The following KDM3A variants were observed in gnomAD, a reference collection of about 807,000 sequenced individuals.
KDM3A encodes the protein lysine demethylase 3A.
Under a neutral mutation model 158.0 loss-of-function variants are expected in KDM3A, and 60 were observed. The observed-to-expected ratio is 0.38, with a 90% CI of 0.31 to 0.47. The LOEUF is 0.47. KDM3A is among the 20% of genes least tolerant of loss of function. KDM3A has a pLI of 0.99. For missense variants in KDM3A, 1,319 were observed against 1,574.3 expected (o/e 0.84, Z 2.74); for synonymous variants, 608 against 549.3 (o/e 1.11, Z -1.49).
chr2:86,470,301 C>A lies in KDM3A; in HGVS notation c.1617C>A (p.Ile539=). ...TACAGGATGATTCTTGTGTGAACATCGTGGCACAGTTGCCTAAATGCCGAG... is the reference window on the plus strand; with the variant it reads ...TACAGGATGATTCTTGTGTGAACATAGTGGCACAGTTGCCTAAATGCCGAG... ...AFVQDDSCVN[I]VAQLPKCREC... is the part of the protein sequence containing the mutation. Residue 539 remains isoleucine (I), a synonymous_variant, in exon 11 of 26, where the codon ATC becomes ATA. Transcript: ENST00000312912. The A allele has an allele frequency of 6.2e-7, 1 of 1,614,116 alleles. No homozygotes were observed. The highest frequency in any genetic ancestry group is 8.5e-7 in the Non-Finnish European group (1 of 1,179,986).
At chr2:86,474,558 G>A (rs1673564491) in intron 11 of KDM3A, among the ~76,000 whole-genome samples, 1 of 151,852 alleles carries the variant, frequency 6.6e-6, no homozygotes, top group Non-Finnish European at 1.5e-5. Flanking sequence ...AGCTACGGGG[G>A]AAGCTGAGGC....
upstream of KDM3A, among the ~76,000 whole-genome samples, chr2:86,438,091 T>C (rs1414239493): frequency 6.6e-6 from 1 of 152,162 alleles, no homozygotes; most frequent in Admixed American, 6.5e-5. Context: ...CACAATTAAG[T>C]ACAATGTTTA....
intron 9 of KDM3A, among the ~76,000 whole-genome samples, chr2:86,465,938 C>CAA (rs10541366): frequency 2.9e-4 from 34 of 117,862 alleles, no homozygotes; most frequent in South Asian, 5.7e-4. Context: ...AATTTACACA[C>CAA]AAAAAAAAAA....
At chr2:86,473,843 A>G (rs111661100) in intron 11 of KDM3A, among the ~76,000 whole-genome samples, 8 of 152,376 alleles carry the variant, frequency 5.3e-5, no homozygotes, top group African/African-American at 1.9e-4. Context: ...TTGAAGGCAG[A>G]TAATGAACAA....
upstream of KDM3A, chr2:86,440,906 C>T (rs1037591037): frequency 1.3e-5 from 2 of 152,376 alleles, no homozygotes; most frequent in Admixed American, 6.5e-5. Flanking sequence ...TGAGATTCTT[C>T]CGCCAAGTGG....
Position 86,442,142 on chromosome 2 carries a change from G to A in KDM3A, c.95G>A (p.Ser32Asn). The change falls in exon 2 of 26, where the codon AGC (serine) becomes AAC (asparagine). Residue 32 changes from serine to asparagine, a missense_variant. Coordinates refer to ENST00000312912, the MANE Select transcript of KDM3A (RefSeq NM_018433.6). ...GACGGCAGCGATGGCAGCCACGACA[G>A]CTGGGACGTGGAGCGCGTCGCCGAG... ...AADGSDGSHDSWDVERVAEWP... is the reference protein window; with the variant it reads ...AADGSDGSHDNWDVERVAEWP... 3.7e-6 allele frequency: 6 copies of A among 1,614,164 alleles called. No individual in the cohort carries two copies. The South Asian group carries it at 4.4e-5, about 12-fold the overall frequency.
At chr2:86,455,522 ATC>A (rs1672652834) in intron 5 of KDM3A, among the ~76,000 whole-genome samples, 1 of 152,144 alleles carries the variant, frequency 6.6e-6, no homozygotes, top group Admixed American at 6.5e-5. Context: ...AGTGTGAGCC[ATC>A]ACGCCGGGCC....
At chr2:86,448,216 C>T (rs1683032529) in intron 2 of KDM3A, among the ~76,000 whole-genome samples, 1 of 152,134 alleles carries the variant, frequency 6.6e-6, no homozygotes, top group Non-Finnish European at 1.5e-5. Context: ...GTTAGGGATG[C>T]ATGTTTTGTT....
intron 21 of KDM3A, among the ~76,000 whole-genome samples, chr2:86,486,687 C>G (rs1320913587): frequency 6.6e-6 from 1 of 152,140 alleles, no homozygotes; most frequent in Non-Finnish European, 1.5e-5. Flanking sequence ...TCAAAAAGGA[C>G]AAGGTCTGTT....
Position 86,466,543 on chromosome 2 carries a change from T to A in KDM3A, c.1179T>A (p.Pro393=), listed in dbSNP as rs769852046. The A allele has an allele frequency of 1.2e-6, 2 of 1,613,970 alleles. No homozygotes were observed. Among genetic ancestry groups the A allele is most frequent in the South Asian group, 2.2e-5 (2 of 91,084 alleles). Residue 393 remains proline (P), a synonymous_variant, in exon 10 of 26, where the codon CCT becomes CCA. Coordinates refer to ENST00000312912, the MANE Select transcript of KDM3A (RefSeq NM_018433.6). The part of the protein sequence containing the change: ...LTEPKGSCTQ[P]KTNTDQENRL... Reference sequence around the variant, plus strand: ...AGCCAAAAGGCAGCTGTACTCAGCCTAAGACAAACACTGATCAGGAAAACA... The same window carrying A: ...AGCCAAAAGGCAGCTGTACTCAGCCAAAGACAAACACTGATCAGGAAAACA...
chr2:86,483,764 C>T (rs934795757), intron 18 of KDM3A: 2 of 398,066 alleles, frequency 5.0e-6, no homozygotes, highest in African/African-American at 4.1e-5. Flanking sequence ...CTCCTAGATG[C>T]TTACCCATGT....
chr2:86,485,979 A>G (rs1372160415), intron 21 of KDM3A, 120 bp downstream of exon 21: 1 of 1,003,032 alleles, frequency 1.0e-6, no homozygotes, highest in Non-Finnish European at 1.4e-6. Context: ...ATACAGCCAC[A>G]GCTTTCATTT....
rs569319772 is a variant in KDM3A at position 86,492,588 on chromosome 2, A to G, written c.*469A>G. 2 of 153,704 alleles carry G rather than the reference A, an allele frequency of 1.3e-5. No individual in the cohort carries two copies. The highest frequency in any genetic ancestry group is 4.1e-4 in the South Asian group (2 of 4,836). The allele number at this position is 153,704 out of a possible 1,614,324, so 9.5% of individuals were successfully genotyped here. On this transcript the variant is annotated 3_prime_UTR_variant, in exon 26 of 26. Transcript: ENST00000312912. ...TATTGTATGGCATAGGACTGGCATTATATAGCAGAAATCAACTACTGTACA... is the reference window on the plus strand; with the variant it reads ...TATTGTATGGCATAGGACTGGCATTGTATAGCAGAAATCAACTACTGTACA...
intron 10 of KDM3A, among the ~76,000 whole-genome samples, chr2:86,469,356 C>T (rs1449568591): frequency 1.3e-5 from 2 of 152,206 alleles, no homozygotes; most frequent in East Asian, 1.9e-4. Flanking sequence ...ACCCACTTCC[C>T]TCTTCTCAGC....
chr2:86,476,188 G>A (rs1673651749), intron 12 of KDM3A, among the ~76,000 whole-genome samples: 1 of 152,150 alleles, frequency 6.6e-6, no homozygotes, highest in Non-Finnish European at 1.5e-5. Flanking sequence ...GTAGTAGATT[G>A]AAAGAAAAAT....
rs202001552 is a variant in KDM3A, at chr2:86,466,659, A to G, written c.1295A>G (p.Asn432Ser). The G allele has an allele frequency of 9.9e-6, 16 of 1,613,976 alleles. No individual in the cohort carries two copies. Among genetic ancestry groups the G allele is most frequent in the South Asian group, 2.2e-5 (2 of 91,080 alleles). ...ASSKAELEIA[N>S]PPELQKHLEH... ...TCTAAGGCAGAATTGGAAATTGCCA[A>G]TCCTCCTGAACTGCAGAAGCACCTA... Residue 432 changes from asparagine (N) to serine (S), a missense_variant, in exon 10 of 26, where the codon AAT (asparagine) becomes AGT (serine). Physicochemically the swap from Asn to Ser is conservative, Grantham distance 46. Transcript: ENST00000312912.
chr2:86,484,807 A>G (rs1674104621), intron 19 of KDM3A, 135 bp from the exon 20 acceptor site: 2 of 558,876 alleles, frequency 3.6e-6, no homozygotes, highest in East Asian at 2.8e-5. Flanking sequence ...TTTGTATACT[A>G]AATTTATCAG....
chr2:86,483,682 T>C (rs1266589938), intron 18 of KDM3A: 1 of 177,880 alleles, frequency 5.6e-6, no homozygotes, highest in East Asian at 1.5e-4. Flanking sequence ...TGGACACTCC[T>C]TCCAGCGCTT....
intron 11 of KDM3A, 76 bp from the exon 12 acceptor site, chr2:86,474,700 G>GT (rs72545104): frequency 0.12 from 51,397 of 421,942 alleles, 1,855 homozygotes; most frequent in East Asian, 0.28. Context: ...TTGTAAATAA[G>GT]TTGTGTGTGT....
Sources: gnomAD v4.1 joint callset for allele counts (sites outside exome capture counted in the v4.1 genomes callset) on GRCh38, gnomAD v4.1.1 for gene constraint, MANE v1.5 for transcripts, NCBI Gene and HGNC (gene_info 2026-07-23, HGNC 2026-07-21) for gene names.